Variants in NRF1 observed in about 807,000 individuals in gnomAD.
The protein encoded by NRF1 is nuclear respiratory factor 1, also known as alpha palindromic-binding protein.
Under a neutral mutation model 58.5 loss-of-function variants are expected in NRF1, and 5 were observed. That is an observed-to-expected ratio of 0.09 (90% confidence interval 0.04 to 0.18). NRF1 has a LOEUF of 0.18. NRF1 is among the 10% of genes least tolerant of loss of function. The probability of loss-of-function intolerance (pLI) is 1.00; values close to 1 mark genes in which losing one functional copy is unlikely to be tolerated. For synonymous variants in NRF1, 224 were observed against 246.7 expected (o/e 0.91, Z 0.86); for missense variants, 288 against 657.7 (o/e 0.44, Z 6.15).
intron 4 of NRF1, among the ~76,000 whole-genome samples, chr7:129,687,086 T>TA (rs1197477977): frequency 2.6e-5 from 4 of 152,216 alleles, no homozygotes; most frequent in African/African-American, 9.6e-5. Flanking sequence ...AAGGTATTCC[T>TA]AAAACTTCTT....
At chr7:129,653,736 G>T (rs142571885) in intron 1 of NRF1, among the ~76,000 whole-genome samples, 140 of 152,232 alleles carry the variant, frequency 9.2e-4, no homozygotes, top group African/African-American at 3.3e-3. Context: ...TAAGTGTGTA[G>T]CCTTTTCAGA....
Position 129,756,055 on chromosome 7 carries a change from A to C in NRF1, c.*874A>C, listed in dbSNP as rs1804245502. The stretch of plus-strand genomic sequence containing the variant: ...GTATATATGAACTGAAGGTAACCGA[A>C]GTATTAGGGGTTTGAGGAGTGCGTG... On this transcript the variant is annotated 3_prime_UTR_variant, in exon 11 of 11. Transcript: ENST00000393232. 6.6e-6 allele frequency: 1 copy of C among 151,344 alleles called. No homozygotes were observed. The highest frequency in any genetic ancestry group is 2.4e-5 in the African/African-American group (1 of 40,900). The allele number at this position is 151,344 out of a possible 1,614,324, so 9.4% of individuals were successfully genotyped here.
chr7:129,703,258 C>T (rs1408225286), intron 5 of NRF1, among the ~76,000 whole-genome samples: 3 of 152,126 alleles, frequency 2.0e-5, no homozygotes, highest in Non-Finnish European at 4.4e-5. Flanking sequence ...AGCCCTAAAT[C>T]AGAATGAGAG....
chr7:129,646,385 A>G (rs1286130315), intron 1 of NRF1, among the ~76,000 whole-genome samples: 1 of 152,214 alleles, frequency 6.6e-6, no homozygotes. Context: ...CTAGAAAACC[A>G]TGTGTGGCAT....
chr7:129,677,275 A>ATTTG (rs1802204274), intron 3 of NRF1, among the ~76,000 whole-genome samples: 1 of 152,086 alleles, frequency 6.6e-6, no homozygotes, highest in Non-Finnish European at 1.5e-5. Context: ...TGGCCTCCCA[A>ATTTG]AGTGCTGGGA....
intron 10 of NRF1, chr7:129,744,129 G>GTT: frequency 8.9e-7 from 1 of 1,128,754 alleles, no homozygotes. Context: ...CTTGCCCGGT[G>GTT]CTTTTTTTTT....
intron 9 of NRF1, among the ~76,000 whole-genome samples, chr7:129,723,134 C>A (rs997251240): frequency 6.6e-5 from 10 of 150,498 alleles, no homozygotes; most frequent in South Asian, 2.1e-4. Context: ...TTTTTTTTCT[C>A]CGACATAGGT....
chr7:129,632,132 G>C (rs1016530964), intron 1 of NRF1, among the ~76,000 whole-genome samples: 1 of 152,154 alleles, frequency 6.6e-6, no homozygotes, highest in African/African-American at 2.4e-5. Context: ...AAAATTAGCT[G>C]AGCGTGGGTA....
chr7:129,661,699 A>G (rs956406651), intron 2 of NRF1, among the ~76,000 whole-genome samples: 1 of 150,936 alleles, frequency 6.6e-6, no homozygotes, highest in Non-Finnish European at 1.5e-5. Flanking sequence ...AAAGCCATTC[A>G]TCAAGTCTCT....
chr7:129,633,988 C>G (rs7810794), intron 1 of NRF1, among the ~76,000 whole-genome samples: 5 of 144,390 alleles, frequency 3.5e-5, no homozygotes, highest in African/African-American at 1.3e-4. Flanking sequence ...CCACTTTGAC[C>G]GTGATTTTTT....
At chr7:129,663,386 G>C (rs936597943) in intron 2 of NRF1, among the ~76,000 whole-genome samples, 3 of 147,870 alleles carry the variant, frequency 2.0e-5, no homozygotes, top group Non-Finnish European at 4.5e-5. Flanking sequence ...GTGGTGGCCG[G>C]ACAGAGGCGC....
chr7:129,735,051 C>T lies in NRF1; in HGVS notation c.1348+7686C>T, dbSNP rs180977108. ...CTTATTTGTTTCCCCAGCTCCTCACCGGGTCTTCCACTTGGCTCTGCCTAC... is the reference window on the plus strand; with the variant it reads ...CTTATTTGTTTCCCCAGCTCCTCACTGGGTCTTCCACTTGGCTCTGCCTAC... On this transcript the variant is annotated intron_variant, in intron 10 of 10. Coordinates refer to ENST00000393232, the MANE Select transcript of NRF1 (RefSeq NM_005011.5). 3.8e-5 allele frequency: 37 copies of T among 985,358 alleles called. No homozygotes were observed. The Admixed American group carries it at 1.5e-3, about 41-fold the overall frequency. The allele number at this position is 985,358 out of a possible 1,614,324, so 61.0% of individuals were successfully genotyped here.
At chr7:129,698,886 C>T (rs1043929254) in intron 5 of NRF1, among the ~76,000 whole-genome samples, 2 of 152,116 alleles carry the variant, frequency 1.3e-5, no homozygotes, top group Non-Finnish European at 2.9e-5. Context: ...TGCTCTTTAC[C>T]AGACTTGGGT....
At chr7:129,728,195 C>A (rs1304307787) in intron 10 of NRF1, among the ~76,000 whole-genome samples, 1 of 152,044 alleles carries the variant, frequency 6.6e-6, no homozygotes, top group African/African-American at 2.4e-5. Flanking sequence ...TTAAATACTC[C>A]ATGGCTTTGG....
intron 1 of NRF1, among the ~76,000 whole-genome samples, chr7:129,636,414 A>C (rs1762700227): frequency 6.6e-6 from 1 of 152,054 alleles, no homozygotes; most frequent in South Asian, 2.1e-4. Flanking sequence ...TTGTATTTTT[A>C]GTAGAGATGG....
In NRF1 at chr7:129,631,964, T is replaced by TAAATTTCTCAAAA. The variant is rs1584590011; in HGVS notation, c.-7+20143_-7+20155dup. On this transcript the variant is annotated intron_variant, in intron 1 of 10. Transcript: ENST00000393232. ...TGACTGCTGACCTTCAGAACTGCTT[T>TAAATTTCTCAAAA]AAATTTCTCAAAAAATTTTCTCATT... Among the ~76,000 whole-genome samples the TAAATTTCTCAAAA allele has an allele frequency of 3.3e-5, 5 of 152,326 alleles. No individual in the cohort carries two copies. The East Asian group carries it at 9.6e-4, about 29-fold the overall frequency.
intron 9 of NRF1, among the ~76,000 whole-genome samples, chr7:129,722,019 T>C (rs188943917): frequency 2.5e-4 from 38 of 152,310 alleles, no homozygotes; most frequent in African/African-American, 4.8e-4. Context: ...AGCTTTGGTT[T>C]TGAAATGACT....
intron 3 of NRF1, among the ~76,000 whole-genome samples, chr7:129,673,915 G>A (rs1465646822): frequency 2.0e-5 from 3 of 152,126 alleles, no homozygotes; most frequent in East Asian, 1.9e-4. Context: ...CGAGGTGGGC[G>A]GATCACCTGA....
At chr7:129,732,829 C>T (rs967413160) in intron 10 of NRF1, among the ~76,000 whole-genome samples, 4 of 152,072 alleles carry the variant, frequency 2.6e-5, no homozygotes, top group African/African-American at 4.8e-5. Flanking sequence ...CTCGAACTCC[C>T]GACCTCAGGT....
Sources: allele counts gnomAD v4.1 joint callset (sites outside exome capture counted in the v4.1 genomes callset), GRCh38; gene constraint gnomAD v4.1.1; transcripts MANE v1.5; gene names NCBI Gene and HGNC (gene_info 2026-07-23, HGNC 2026-07-21).